SLAIN1: variants seen among roughly 807,000 people sequenced by gnomAD.
The protein encoded by SLAIN1 is SLAIN family member 1.
A neutral mutation model predicts 55.4 loss-of-function variants in SLAIN1; 17 were observed. The ratio of observed to expected loss-of-function variants is 0.31; its 90% CI spans 0.21 to 0.46. The LOEUF (loss-of-function observed/expected upper bound fraction) is 0.46, where lower values mean the gene tolerates loss of function less well. Ranked by LOEUF, SLAIN1 falls within the 20% of genes least tolerant of loss-of-function variation. SLAIN1 has a pLI of 1.00. For missense variants in SLAIN1, 682 were observed against 785.1 expected (o/e 0.87, Z 1.57); for synonymous variants, 348 against 337.4 (o/e 1.03, Z -0.35).
chr13:77,697,861 GCC>G lies in SLAIN1; in HGVS notation c.-52_-51del. On this transcript the variant is annotated 5_prime_UTR_variant, in exon 1 of 7. Transcript: ENST00000418532. Reference sequence around the variant, plus strand: ...CCGTAGCCTCCCCGTGGCCCGAGGAGCCGGCGCGGCGGCGCGCACTCCCCGGC... The same window carrying G: ...CCGTAGCCTCCCCGTGGCCCGAGGAGGGCGCGGCGGCGCGCACTCCCCGGC... 7.9e-7 allele frequency: 1 copy of G among 1,269,970 alleles called. No individual in the cohort carries two copies. Among genetic ancestry groups the G allele is most frequent in the Non-Finnish European group, 9.9e-7 (1 of 1,008,238 alleles). 78.7% of individuals were successfully genotyped at this position (1,269,970 alleles called of 1,614,324 possible). A position where few individuals can be genotyped will look rare whatever the true frequency, so the allele number is the denominator to read the frequency against.
chr13:77,719,720 G>T (rs1222715933), intron 2 of SLAIN1, 49 bp downstream of exon 2: 1 of 1,586,314 alleles, frequency 6.3e-7, no homozygotes, highest in Non-Finnish European at 8.6e-7. Flanking sequence ...GTCACTCTCA[G>T]TGCTGCTTTT....
At chr13:77,703,889 T>TTA (rs573032530) in intron 1 of SLAIN1, among the ~76,000 whole-genome samples, 1,530 of 132,646 alleles carry the variant, frequency 0.012, 15 homozygotes, top group Non-Finnish European at 0.018. Flanking sequence ...AAAAAAAAAA[T>TTA]TATATATATA....
intron 2 of SLAIN1, among the ~76,000 whole-genome samples, chr13:77,737,209 G>C (rs988323593): frequency 5.3e-5 from 8 of 151,808 alleles, no homozygotes; most frequent in African/African-American, 1.9e-4. Flanking sequence ...ATATTCATTG[G>C]GTTGCCAGAT....
rs780735938 is a variant in SLAIN1 at position 77,719,550 on chromosome 13, A to G, written c.645A>G (p.Ser215=). 1.8e-5 allele frequency: 29 copies of G among 1,612,830 alleles called. No individual in the cohort carries two copies. The South Asian group carries it at 2.9e-4, about 16-fold the overall frequency. The change falls in exon 2 of 7, where the codon TCA becomes TCG. Residue 215 remains serine (S), a synonymous_variant. Coordinates refer to ENST00000418532, the MANE Select transcript of SLAIN1 (RefSeq NM_001242868.2). Reference sequence around the variant, plus strand: ...TTTTAAGGTTATACATTGGCTCTTCAAAGACGTTCACCTCATCAGAGAAAT... The same window carrying G: ...TTTTAAGGTTATACATTGGCTCTTCGAAGACGTTCACCTCATCAGAGAAAT... ...DDYTWLYIGS[S]KTFTSSEKSL... is the part of the protein sequence containing the mutation.
At position 77,747,568 on chromosome 13, in the gene SLAIN1, G is replaced by C. The variant is rs371269421; in HGVS notation, c.1258+713G>C. Among the ~76,000 whole-genome samples, 9 of 152,164 alleles carry C rather than the reference G, an allele frequency of 5.9e-5. No homozygotes were observed. In the East Asian group the frequency reaches 1.3e-3, roughly 23 times the overall value. On this transcript the variant is annotated intron_variant, in intron 4 of 6. Transcript: ENST00000418532. ...TGTCCACAGCCTTCAGTCTCTTACTGTCTGTTCCTAGCACAGAGTGAGGTT... is the reference window on the plus strand; with the variant it reads ...TGTCCACAGCCTTCAGTCTCTTACTCTCTGTTCCTAGCACAGAGTGAGGTT...
chr13:77,738,002 G>A, intron 2 of SLAIN1, among the ~76,000 whole-genome samples: 1 of 152,014 alleles, frequency 6.6e-6, no homozygotes, highest in Non-Finnish European at 1.5e-5. Context: ...TAGGGGCCAG[G>A]CAGACTTCTC....
chr13:77,756,007 CA>C (rs1346795157), intron 5 of SLAIN1, among the ~76,000 whole-genome samples: 2 of 152,114 alleles, frequency 1.3e-5, no homozygotes, highest in Non-Finnish European at 2.9e-5. Flanking sequence ...GGAAAGGCTG[CA>C]AGTATAGAAG....
Position 77,698,262 on chromosome 13 carries a change from G to A in SLAIN1, c.349G>A (p.Gly117Ser). The A allele has an allele frequency of 1.4e-6, 2 of 1,401,044 alleles. No individual in the cohort carries two copies. Among genetic ancestry groups the A allele is most frequent in the Non-Finnish European group, 1.9e-6 (2 of 1,073,236 alleles). The allele number at this position is 1,401,044 out of a possible 1,614,324, so 86.8% of individuals were successfully genotyped here. A position where few individuals can be genotyped will look rare whatever the true frequency, so the allele number is the denominator to read the frequency against. ...CGGCAGCGGTAGTGGCAGCGGCGGT[G>A]GCTCCAGCCCCGCGTTCCCGGGCAC... ...GGGSGSGSGG[G>S]SSPAFPGTFC... Residue 117 changes from glycine to serine, a missense_variant, in exon 1 of 7, where the codon GGC becomes AGC. Coordinates refer to ENST00000418532, the MANE Select transcript of SLAIN1 (RefSeq NM_001242868.2). This position sits in a 1 kb window ranked among gnomAD's most constrained non-coding sequence, Gnocchi z 4.1.
Position 77,744,351 on chromosome 13 carries a change from T to C in SLAIN1, c.835T>C (p.Leu279=), listed in dbSNP as rs1873669826. 2 of 1,612,926 alleles carry C rather than the reference T, an allele frequency of 1.2e-6. No homozygotes were observed. The highest frequency in any genetic ancestry group is 8.5e-7 in the Non-Finnish European group (1 of 1,179,286). ...SIDSELSTSE[L]EDDSISMGYK... ...CGACAGTGAGCTGAGTACTTCAGAA[T>C]TGGAGGATGATTCTATCTCCATGGG... is the stretch of plus-strand genomic sequence containing the variant. The change falls in exon 3 of 7, where the codon TTG becomes CTG. Residue 279 remains leucine, a synonymous_variant. Coordinates refer to ENST00000418532, the MANE Select transcript of SLAIN1 (RefSeq NM_001242868.2).
At position 77,698,011 on chromosome 13, in the gene SLAIN1, A is replaced by G; in HGVS notation, c.98A>G (p.Gln33Arg). The change falls in exon 1 of 7, where the codon CAG becomes CGG. Residue 33 changes from glutamine to arginine, a missense_variant. Around this residue, in one of 3 missense-constraint regions of SLAIN1, gnomAD observed 401 missense variants for 417.3 expected, o/e 0.96. Transcript: ENST00000418532. This position sits in a 1 kb window ranked among gnomAD's most constrained non-coding sequence, Gnocchi z 4.1. ...VNAELEVKKL[Q>R]ELVRKLEKQN... Reference sequence around the variant, plus strand: ...GCGGAGCTGGAGGTGAAGAAGCTGCAGGAGCTGGTGCGCAAGCTGGAGAAG... The same window carrying G: ...GCGGAGCTGGAGGTGAAGAAGCTGCGGGAGCTGGTGCGCAAGCTGGAGAAG... 7.0e-7 allele frequency: 1 copy of G among 1,434,392 alleles called. No homozygotes were observed. Among genetic ancestry groups the G allele is most frequent in the Admixed American group, 2.4e-5 (1 of 41,732 alleles). The allele number at this position is 1,434,392 out of a possible 1,614,324, so 88.9% of individuals were successfully genotyped here.
chr13:77,749,801 C>A (rs999922342), intron 4 of SLAIN1, among the ~76,000 whole-genome samples: 5 of 152,114 alleles, frequency 3.3e-5, no homozygotes, highest in African/African-American at 9.7e-5. Context: ...CAGCTTTGTT[C>A]CAAGGGGAAT....
In SLAIN1 at chr13:77,744,304, C is replaced by T; in HGVS notation, c.788C>T (p.Pro263Leu). Reference protein sequence around the residue: ...LEQGYTSRGSPLSPQSSIDSE... With the variant: ...LEQGYTSRGSLLSPQSSIDSE... ...TCAGGTTACACTTCCAGGGGCTCCC[C>T]ACTCAGTCCCCAGTCATCTATCGAC... The change falls in exon 3 of 7, where the codon CCA becomes CTA. Residue 263 changes from proline (P) to leucine (L), a missense_variant. Pro to Leu is a moderately conservative substitution (Grantham distance 98, BLOSUM62 -3). Around this residue, in one of 3 missense-constraint regions of SLAIN1, gnomAD observed 401 missense variants for 417.3 expected, o/e 0.96. Transcript: ENST00000418532. The T allele has an allele frequency of 6.2e-7, 1 of 1,612,718 alleles. No homozygotes were observed. Among genetic ancestry groups the T allele is most frequent in the Non-Finnish European group, 8.5e-7 (1 of 1,179,134 alleles).
chr13:77,756,909 G>C (rs1874647353), intron 5 of SLAIN1, among the ~76,000 whole-genome samples: 1 of 152,104 alleles, frequency 6.6e-6, no homozygotes, highest in South Asian at 2.1e-4. Context: ...GCATGAGAGA[G>C]CATTGTAAGG....
At chr13:77,738,100 T>A (rs1422195483) in intron 2 of SLAIN1, among the ~76,000 whole-genome samples, 1 of 151,870 alleles carries the variant, frequency 6.6e-6, no homozygotes, top group Non-Finnish European at 1.5e-5. Flanking sequence ...ACCTTTGAAG[T>A]TTTTTAGTAT....
At chr13:77,699,001 C>T in intron 1 of SLAIN1, 3 of 1,535,068 alleles carry the variant, frequency 2.0e-6, no homozygotes, top group South Asian at 1.2e-5. Flanking sequence ...TTTGCGTGCT[C>T]TTCCTCCTCG....
intron 2 of SLAIN1, among the ~76,000 whole-genome samples, chr13:77,739,438 A>C (rs1033463109): frequency 2.0e-5 from 3 of 152,112 alleles, no homozygotes; most frequent in Non-Finnish European, 2.9e-5. Flanking sequence ...AGTGAGAAGA[A>C]TGAAAAGGAT....
Position 77,698,669 on chromosome 13 carries a change from GC to G in SLAIN1, c.626+132del. The G allele has an allele frequency of 7.9e-7, 1 of 1,268,674 alleles. No homozygotes were observed. Among genetic ancestry groups the G allele is most frequent in the Non-Finnish European group, 1.0e-6 (1 of 991,322 alleles). 78.6% of individuals were successfully genotyped at this position (1,268,674 alleles called of 1,614,324 possible). Reference sequence around the variant, plus strand: ...GTGACTCCCCGCGGCTCCCGGAGGGGCCGACCCAGCAGGTGTTGAGCCAGGC... The same window carrying G: ...GTGACTCCCCGCGGCTCCCGGAGGGGCGACCCAGCAGGTGTTGAGCCAGGC... On this transcript the variant is annotated intron_variant, in intron 1 of 6. Transcript: ENST00000418532. This position sits in a 1 kb window ranked among gnomAD's most constrained non-coding sequence, Gnocchi z 4.1.
At chr13:77,743,922 T>C (rs1873629377) in intron 2 of SLAIN1, among the ~76,000 whole-genome samples, 4 of 152,116 alleles carry the variant, frequency 2.6e-5, no homozygotes, top group African/African-American at 9.6e-5. Flanking sequence ...GAATATATAT[T>C]CTTATAATAT....
intron 6 of SLAIN1, among the ~76,000 whole-genome samples, chr13:77,761,835 T>C (rs918844611): frequency 2.0e-5 from 3 of 152,100 alleles, no homozygotes; most frequent in African/African-American, 7.2e-5. Context: ...GAGTATCTTA[T>C]ATTAAAAATC....
Sources: gnomAD v4.1 joint callset for allele counts (sites outside exome capture counted in the v4.1 genomes callset) on GRCh38, gnomAD v4.1.1 for gene constraint, gnomAD v4.1.1 regional missense constraint, Gnocchi (gnomAD v3.1) non-coding constraint, MANE v1.5 for transcripts, NCBI Gene and HGNC (gene_info 2026-07-23, HGNC 2026-07-21) for gene names.